Variants in VPS13A observed in about 807,000 individuals in gnomAD.
The protein encoded by VPS13A is vacuolar protein sorting 13 homolog A.
In VPS13A, 264 loss-of-function variants were observed where a neutral mutation model predicts 390.9. The ratio of observed to expected loss-of-function variants is 0.68; its 90% CI spans 0.61 to 0.75. The LOEUF (loss-of-function observed/expected upper bound fraction) is 0.75. Ranked by LOEUF, VPS13A falls within the 30% of genes least tolerant of loss-of-function variation. The pLI is 0.00. For missense variants in VPS13A, 3,409 were observed against 3,733.9 expected (o/e 0.91, Z 2.27); for synonymous variants, 1,231 against 1,227.1 (o/e 1.00, Z -0.07).
At chr9:77,248,706 G>T (rs1265847677) in intron 20 of VPS13A, among the ~76,000 whole-genome samples, 3 of 151,996 alleles carry the variant, frequency 2.0e-5, no homozygotes, top group African/African-American at 7.2e-5. Context: ...GAGTTTAATA[G>T]TCAGAAGTGG....
At chr9:77,268,486 C>A (rs1826161218) in intron 23 of VPS13A, among the ~76,000 whole-genome samples, 1 of 152,274 alleles carries the variant, frequency 6.6e-6, no homozygotes, top group African/African-American at 2.4e-5. Context: ...CATCTACTGT[C>A]TAACCAGTCC....
At chr9:77,220,197 G>T in intron 11 of VPS13A, 80 bp from the exon 12 acceptor site, 1 of 1,511,044 alleles carries the variant, frequency 6.6e-7, no homozygotes. Flanking sequence ...TCCCTAAAAA[G>T]TCAGTAATGT....
intron 2 of VPS13A, among the ~76,000 whole-genome samples, chr9:77,200,447 C>G (rs749688696): frequency 9.9e-5 from 15 of 152,202 alleles, no homozygotes; most frequent in Admixed American, 1.3e-4. Flanking sequence ...GGAGATCGTG[C>G]TACTGCACTC....
At chr9:77,400,151 G>A (rs572714922) in intron 68 of VPS13A, among the ~76,000 whole-genome samples, 2 of 150,126 alleles carry the variant, frequency 1.3e-5, no homozygotes, top group African/African-American at 2.5e-5. Flanking sequence ...CTGACTCAGA[G>A]GGTATGTTTA....
intron 9 of VPS13A, 119 bp from the exon 10 acceptor site, chr9:77,214,210 G>A: frequency 9.9e-6 from 8 of 809,712 alleles, no homozygotes; most frequent in Non-Finnish European, 1.7e-5. Context: ...CATGAGACAG[G>A]GGTTGCAGTG....
intron 59 of VPS13A, among the ~76,000 whole-genome samples, chr9:77,361,549 G>A (rs571062913): frequency 3.8e-4 from 58 of 152,144 alleles, no homozygotes; most frequent in African/African-American, 1.4e-3. Context: ...GAATACTGGT[G>A]TACAAGTTTT....
chr9:77,234,466 T>C (rs1026756052), intron 17 of VPS13A, among the ~76,000 whole-genome samples: 16 of 152,264 alleles, frequency 1.1e-4, no homozygotes, highest in Middle Eastern at 3.2e-3. Flanking sequence ...TGAGTCTCTT[T>C]TAGGCAGTAT....
At chr9:77,338,312 G>T (rs979801776) in intron 47 of VPS13A, 1 of 152,036 alleles carries the variant, frequency 6.6e-6, no homozygotes, top group African/African-American at 2.4e-5. Context: ...GGAGGAAAAA[G>T]TTAACATATT....
At chr9:77,407,064 G>A (rs1834647744) in intron 70 of VPS13A, among the ~76,000 whole-genome samples, 1 of 152,110 alleles carries the variant, frequency 6.6e-6, no homozygotes. Flanking sequence ...GGTTTAAAAT[G>A]GCAGAAGTAC....
intron 52 of VPS13A, among the ~76,000 whole-genome samples, chr9:77,350,507 C>T (rs1049331021): frequency 2.7e-4 from 41 of 151,954 alleles, no homozygotes; most frequent in Non-Finnish European, 1.8e-4. Context: ...ATTGCTTGTT[C>T]GAAATGTCTT....
intron 50 of VPS13A, among the ~76,000 whole-genome samples, chr9:77,341,704 T>TTTTTTTTTTA (rs1830829599): frequency 7.1e-6 from 1 of 141,826 alleles, no homozygotes; most frequent in Non-Finnish European, 1.5e-5. Context: ...TTTTTTTTTT[T>TTTTTTTTTTA]TTTTTTTTTT....
At chr9:77,349,801 G>T (rs1831356526) in intron 52 of VPS13A, among the ~76,000 whole-genome samples, 1 of 151,942 alleles carries the variant, frequency 6.6e-6, no homozygotes, top group African/African-American at 2.4e-5. Flanking sequence ...GCGCCACTAT[G>T]CCCGGCTAAT....
At position 77,212,526 on chromosome 9, in the gene VPS13A, G is replaced by GTCTCA. The variant is rs1174582471; in HGVS notation, c.556-442_556-438dup. Among the ~76,000 whole-genome samples the GTCTCA allele has an allele frequency of 2.0e-5, 3 of 152,090 alleles. No individual in the cohort carries two copies. In the East Asian group the frequency reaches 5.8e-4, roughly 29 times the overall value. ...AGGGCATTTTTTTTGTAGAGACAAG[G>GTCTCA]TCTCACTTTTTGTTGCCCAAATTTG... On this transcript the variant is annotated intron_variant, in intron 7 of 71. Transcript: ENST00000360280.
At chr9:77,358,570 A>T in intron 57 of VPS13A, 132 bp downstream of exon 57, 1 of 755,658 alleles carries the variant, frequency 1.3e-6, no homozygotes, top group Non-Finnish European at 2.2e-6. Context: ...AAACTGCTTG[A>T]AAAAGGACCA....
At chr9:77,231,983 C>T (rs149248981) in intron 17 of VPS13A, among the ~76,000 whole-genome samples, 47 of 152,154 alleles carry the variant, frequency 3.1e-4, no homozygotes, top group African/African-American at 1.1e-3. Context: ...TCCCGGTGTC[C>T]CCTCACACTT....
intron 68 of VPS13A, among the ~76,000 whole-genome samples, chr9:77,396,337 T>C (rs768019308): frequency 2.6e-5 from 4 of 152,206 alleles, no homozygotes; most frequent in African/African-American, 4.8e-5. Context: ...CAGTATAGCC[T>C]ATACCTATGG....
intron 47 of VPS13A, chr9:77,338,178 C>T (rs897757830): frequency 2.0e-5 from 3 of 152,122 alleles, no homozygotes; most frequent in African/African-American, 7.2e-5. Flanking sequence ...CAGGGACTCA[C>T]TATGGCTTGT....
intron 68 of VPS13A, chr9:77,390,197 T>C (rs1833847843): frequency 2.5e-6 from 2 of 800,452 alleles, no homozygotes; most frequent in East Asian, 1.2e-4. Flanking sequence ...CTTCATTTTA[T>C]AGCTCTTCCT....
intron 23 of VPS13A, among the ~76,000 whole-genome samples, chr9:77,261,321 A>T (rs899391981): frequency 5.3e-5 from 8 of 152,086 alleles, no homozygotes; most frequent in African/African-American, 1.9e-4. Context: ...ATACAGATCT[A>T]CCTCATTTGT....
Sources: gnomAD v4.1 joint callset for allele counts (sites outside exome capture counted in the v4.1 genomes callset) on GRCh38, gnomAD v4.1.1 for gene constraint, MANE v1.5 for transcripts, NCBI Gene and HGNC (gene_info 2026-07-23, HGNC 2026-07-21) for gene names.